The following CAMSAP1 variants were observed in gnomAD, a reference collection of about 807,000 sequenced individuals.
CAMSAP1 encodes the protein calmodulin-regulated spectrin-associated protein 1.
Under a neutral mutation model 143.5 loss-of-function variants are expected in CAMSAP1, and 58 were observed. The ratio of observed to expected loss-of-function variants is 0.40; its 90% CI spans 0.33 to 0.50. CAMSAP1 has a LOEUF of 0.50. Ranked by LOEUF, CAMSAP1 falls within the 20% of genes least tolerant of loss-of-function variation. CAMSAP1 has a pLI of 0.45. For missense variants in CAMSAP1, 1,969 were observed against 2,115.7 expected (o/e 0.93, Z 1.36); for synonymous variants, 945 against 859.3 (o/e 1.10, Z -1.74).
Position 135,815,095 on chromosome 9 carries a change from G to A in CAMSAP1, c.4506+2C>T, listed in dbSNP as rs370751077. 6.3e-5 allele frequency: 100 copies of A among 1,592,420 alleles called. No individual in the cohort carries two copies. Among genetic ancestry groups the A allele is most frequent in the Non-Finnish European group, 8.2e-5 (95 of 1,161,324 alleles). On this transcript the variant is annotated splice_donor_variant, in intron 16 of 16. Coordinates refer to ENST00000389532, the MANE Select transcript of CAMSAP1 (RefSeq NM_015447.4). LOFTEE classifies it low-confidence loss of function (GC_TO_GT_DONOR). The stretch of plus-strand genomic sequence containing the variant: ...AAACTGAGGTTGAAACATGATACTT[G>A]CCTCCAATATGGAATTCTTGTGGGG...
At chr9:135,835,476 G>A (rs148766479) in intron 7 of CAMSAP1, among the ~76,000 whole-genome samples, 25 of 152,342 alleles carry the variant, frequency 1.6e-4, no homozygotes, top group Middle Eastern at 3.4e-3. Context: ...CTGGAGGGGC[G>A]GCCATGGGGC....
chr9:135,879,863 T>C (rs948383030), intron 3 of CAMSAP1, among the ~76,000 whole-genome samples: 1 of 151,464 alleles, frequency 6.6e-6, no homozygotes, highest in Non-Finnish European at 1.5e-5. Flanking sequence ...AAATCAGATA[T>C]CTGGCCAATG....
At chr9:135,874,110 A>G (rs1837654523) in intron 3 of CAMSAP1, among the ~76,000 whole-genome samples, 1 of 152,218 alleles carries the variant, frequency 6.6e-6, no homozygotes, top group South Asian at 2.1e-4. Context: ...CAGACTAAAA[A>G]TGAAAAGTCA....
At chr9:135,812,068 A>T (rs947641570) in intron 16 of CAMSAP1, among the ~76,000 whole-genome samples, 1 of 152,210 alleles carries the variant, frequency 6.6e-6, no homozygotes, top group Non-Finnish European at 1.5e-5. Flanking sequence ...TCAGGCAGTT[A>T]CCGTGGGACC....
chr9:135,903,068 CCT>C (rs1838665956), intron 1 of CAMSAP1, among the ~76,000 whole-genome samples: 2 of 152,284 alleles, frequency 1.3e-5, no homozygotes, highest in African/African-American at 4.8e-5. Flanking sequence ...CACATTGTCC[CCT>C]GAAACCAAGG....
At position 135,824,701 on chromosome 9, in the gene CAMSAP1, G is replaced by A; in HGVS notation, c.1315+88C>T. 1 of 1,016,490 alleles carries A rather than the reference G, an allele frequency of 9.8e-7. No homozygotes were observed. Among genetic ancestry groups the A allele is most frequent in the Non-Finnish European group, 1.4e-6 (1 of 706,212 alleles). 63.0% of individuals were successfully genotyped at this position (1,016,490 alleles called of 1,614,324 possible). On this transcript the variant is annotated intron_variant, in intron 9 of 16. Coordinates refer to ENST00000389532, the MANE Select transcript of CAMSAP1 (RefSeq NM_015447.4). This position sits in a 1 kb window ranked among gnomAD's most constrained non-coding sequence, Gnocchi z 4.1. ...AACAAACAAAAAAATCACTACATCA[G>A]ATAAAATGATTTAATTTTGAGAAAT... is the stretch of plus-strand genomic sequence containing the variant.
At position 135,818,432 on chromosome 9, in the gene CAMSAP1, A is replaced by G; in HGVS notation, c.4144T>C (p.Ser1382Pro). Residue 1382 changes from serine to proline, a missense_variant, in exon 13 of 17, where the codon TCC (serine) becomes CCC (proline). By Grantham distance (74) the Ser-to-Pro change is moderately conservative. This residue lies in a region of CAMSAP1 where 1,390 missense variants were observed against 1,420.8 expected (regional missense o/e 0.98). Transcript: ENST00000389532. This position sits in a 1 kb window ranked among gnomAD's most constrained non-coding sequence, Gnocchi z 7.7. ...SVHREESCSD[S>P]GTKCSSTPDN... ...CGGGTGGAGGAGCACTTGGTGCCGG[A>G]GTCGCTGCACGACTCTTCCCGGTGC... The G allele has an allele frequency of 6.3e-7, 1 of 1,593,014 alleles. No individual in the cohort carries two copies. Among genetic ancestry groups the G allele is most frequent in the South Asian group, 1.1e-5 (1 of 88,848 alleles).
At chr9:135,860,914 C>T (rs1323793047) in intron 5 of CAMSAP1, among the ~76,000 whole-genome samples, 2 of 152,210 alleles carry the variant, frequency 1.3e-5, no homozygotes, top group African/African-American at 4.8e-5. Flanking sequence ...TTTATCCCTG[C>T]CAGGGACCAT....
At chr9:135,855,998 G>A (rs1836952784) in intron 5 of CAMSAP1, among the ~76,000 whole-genome samples, 1 of 152,120 alleles carries the variant, frequency 6.6e-6, no homozygotes, top group Non-Finnish European at 1.5e-5. Context: ...CTTGCAGTGA[G>A]CCGAGATCGT....
In CAMSAP1 at chr9:135,820,992, C is replaced by T. The variant is rs1446223626; in HGVS notation, c.3669G>A (p.Val1223=). Residue 1223 remains valine, a synonymous_variant, in exon 11 of 17, where the codon GTG becomes GTA. Transcript: ENST00000389532. This position sits in a 1 kb window ranked among gnomAD's most constrained non-coding sequence, Gnocchi z 4.4. ...SDVSGKESVP[V]EEPLRSRASL... ...TGGCCCTGCTCCTCAGAGGCTCCTCCACGGGGACGCTCTCTTTTCCCGAGA... is the reference window on the plus strand; with the variant it reads ...TGGCCCTGCTCCTCAGAGGCTCCTCTACGGGGACGCTCTCTTTTCCCGAGA... The T allele has an allele frequency of 3.1e-6, 5 of 1,612,612 alleles. No homozygotes were observed. The African/African-American group carries it at 6.7e-5, about 22-fold the overall frequency.
intron 7 of CAMSAP1, among the ~76,000 whole-genome samples, chr9:135,845,034 C>T (rs1311491346): frequency 2.6e-5 from 4 of 152,104 alleles, no homozygotes; most frequent in African/African-American, 4.8e-5. Flanking sequence ...CCAGCATCAT[C>T]GTGATACCAA....
intron 5 of CAMSAP1, among the ~76,000 whole-genome samples, chr9:135,854,322 C>T (rs370283821): frequency 5.9e-5 from 9 of 152,220 alleles, no homozygotes; most frequent in African/African-American, 2.2e-4. Context: ...ATTTTTATTT[C>T]AGTAGCTGCT....
At chr9:135,887,333 A>G (rs555503674) in intron 1 of CAMSAP1, among the ~76,000 whole-genome samples, 5 of 152,258 alleles carry the variant, frequency 3.3e-5, no homozygotes, top group African/African-American at 1.2e-4. Context: ...AAGACCACAG[A>G]GCCCGCCGGA....
intron 1 of CAMSAP1, among the ~76,000 whole-genome samples, chr9:135,896,433 G>A (rs1838455256): frequency 1.3e-5 from 2 of 152,080 alleles, no homozygotes; most frequent in South Asian, 4.1e-4. Context: ...AAATCTACAA[G>A]TATAGCTAGG....
At position 135,819,015 on chromosome 9, in the gene CAMSAP1, TTCGTCACGC is replaced by T. The variant is rs1190263348; in HGVS notation, c.3945_3953del (p.Arg1316_Glu1318del). 1 of 1,606,168 alleles carries T rather than the reference TTCGTCACGC, an allele frequency of 6.2e-7. No individual in the cohort carries two copies. Among genetic ancestry groups the T allele is most frequent in the Non-Finnish European group, 8.5e-7 (1 of 1,178,942 alleles). On this transcript the variant is annotated inframe_deletion, in exon 12 of 17. Transcript: ENST00000389532. The stretch of plus-strand genomic sequence containing the variant: ...CCCCCCGGCGGGACGCTTACCGGGC[TTCGTCACGC>T]TTGAGCTCCACCTCCGCTTCCAGCT...
At chr9:135,870,920 T>C (rs1020922856) in intron 3 of CAMSAP1, among the ~76,000 whole-genome samples, 1 of 152,248 alleles carries the variant, frequency 6.6e-6, no homozygotes, top group African/African-American at 2.4e-5. Context: ...AGTTTCAAAT[T>C]CCACATAATT....
At chr9:135,873,996 C>CA (rs973112995) in intron 3 of CAMSAP1, among the ~76,000 whole-genome samples, 3 of 152,020 alleles carry the variant, frequency 2.0e-5, no homozygotes, top group African/African-American at 7.3e-5. Flanking sequence ...TCGAATCCGT[C>CA]AATATATAAA....
Position 135,818,979 on chromosome 9 carries a change from A to T in CAMSAP1, c.3959+31T>A, listed in dbSNP as rs1179245485. ...CCAGGGACCCACCAGGCTCCTGCTC[A>T]GTCTGCTTTCCCCCCCGGCGGGACG... is the stretch of plus-strand genomic sequence containing the variant. On this transcript the variant is annotated intron_variant, in intron 12 of 16. Transcript: ENST00000389532. The surrounding 1 kb of genome is among the most constrained non-coding windows in gnomAD (Gnocchi z 7.7). 6.3e-7 allele frequency: 1 copy of T among 1,599,706 alleles called. No homozygotes were observed.
chr9:135,892,496 C>A (rs2131009218), intron 1 of CAMSAP1, among the ~76,000 whole-genome samples: 1 of 152,164 alleles, frequency 6.6e-6, no homozygotes, highest in South Asian at 2.1e-4. Flanking sequence ...ATCACTTGAG[C>A]CCAGGAGACC....
Sources: allele counts gnomAD v4.1 joint callset (sites outside exome capture counted in the v4.1 genomes callset), GRCh38; gene constraint gnomAD v4.1.1; regional missense constraint gnomAD v4.1.1; non-coding constraint Gnocchi (gnomAD v3.1); transcripts MANE v1.5; gene names NCBI Gene and HGNC (gene_info 2026-07-23, HGNC 2026-07-21).